SEC31B: variants seen among roughly 807,000 people sequenced by gnomAD.
SEC31B encodes protein transport protein Sec31B.
In SEC31B, 113 loss-of-function variants were observed where a neutral mutation model predicts 135.0. That is an observed-to-expected ratio of 0.84 (90% CI 0.72 to 0.98). The LOEUF (loss-of-function observed/expected upper bound fraction) is 0.98, where lower values mean the gene tolerates loss of function less well. Among genes scored for constraint, SEC31B ranks in the 50% least tolerant of loss-of-function variants. The pLI, the probability that SEC31B is intolerant of heterozygous loss-of-function variation, is 0.00. For synonymous variants in SEC31B, 508 were observed against 549.4 expected (o/e 0.92, Z 1.05); for missense variants, 1,296 against 1,421.1 (o/e 0.91, Z 1.42).
rs1186496766 is a variant in SEC31B, at chr10:100,490,117, G to C, written c.2856C>G (p.Ser952=). ...AGCTTGCAGGAGGGGCTGGGGTGTGGGAGACCATGCGGCCGGGACCTAGTG... is the reference window on the plus strand; with the variant it reads ...AGCTTGCAGGAGGGGCTGGGGTGTGCGAGACCATGCGGCCGGGACCTAGTG... ...LRPLGPGRMV[S]HTPAPPASFP... The change falls in exon 21 of 26, where the codon TCC becomes TCG. Residue 952 remains serine, a synonymous_variant. Transcript: ENST00000370345. The C allele has an allele frequency of 1.9e-6, 3 of 1,589,116 alleles. No individual in the cohort carries two copies. Among genetic ancestry groups the C allele is most frequent in the Non-Finnish European group, 2.6e-6 (3 of 1,168,734 alleles).
intron 24 of SEC31B, 125 bp downstream of exon 24, chr10:100,488,733 A>G (rs1170068017): frequency 3.8e-6 from 5 of 1,306,786 alleles, no homozygotes; most frequent in Non-Finnish European, 5.1e-6. Context: ...AATTAAGTAC[A>G]AGATAGAGAC....
At chr10:100,514,157 C>A (rs1388024451) in intron 3 of SEC31B, among the ~76,000 whole-genome samples, 1 of 152,072 alleles carries the variant, frequency 6.6e-6, no homozygotes, top group Non-Finnish European at 1.5e-5. Flanking sequence ...CACACTCCAG[C>A]CTGGGTGACA....
At chr10:100,495,285 G>T in intron 19 of SEC31B, 100 bp downstream of exon 19, 1 of 1,076,906 alleles carries the variant, frequency 9.3e-7, no homozygotes, top group Non-Finnish European at 1.4e-6. Context: ...TGGAAGTTGG[G>T]AATTTTCATC....
intron 20 of SEC31B, 123 bp downstream of exon 20, chr10:100,490,583 C>T: frequency 9.3e-7 from 1 of 1,075,732 alleles, no homozygotes; most frequent in Non-Finnish European, 1.3e-6. Flanking sequence ...GGAATTCAGA[C>T]TTCAACTTCC....
Position 100,509,382 on chromosome 10 carries a change from CTCCT to C in SEC31B, c.329_332del (p.Lys110SerfsTer3), listed in dbSNP as rs1851696106. The C allele has an allele frequency of 6.2e-7, 1 of 1,614,166 alleles. No homozygotes were observed. Among genetic ancestry groups the C allele is most frequent in the Middle Eastern group, 1.7e-4 (1 of 6,052 alleles). On this transcript the variant is annotated frameshift_variant, in exon 4 of 26. Transcript: ENST00000370345. LOFTEE classifies it high-confidence loss of function. ...GCTTCTGTTTCTGAGCAATCACAGGCTCCTTCCCCGAAGACAGGATGTGGGTCAC... is the reference window on the plus strand; with the variant it reads ...GCTTCTGTTTCTGAGCAATCACAGGCTCCCCGAAGACAGGATGTGGGTCAC...
Position 100,509,407 on chromosome 10 carries a change from G to A in SEC31B, c.308C>T (p.Thr103Ile), listed in dbSNP as rs1851696910. The A allele has an allele frequency of 1.2e-6, 2 of 1,614,126 alleles. No homozygotes were observed. The highest frequency in any genetic ancestry group is 3.3e-5 in the Admixed American group (2 of 60,006). The change falls in exon 4 of 26, where the codon ACC (threonine) becomes ATC (isoleucine). Residue 103 changes from threonine (T) to isoleucine (I), a missense_variant. Thr to Ile is a moderately conservative substitution (Grantham distance 89). Coordinates refer to ENST00000370345, the MANE Select transcript of SEC31B (RefSeq NM_015490.4). ...DNGMLILYNVTHILSSGKEPV... is the reference protein window; with the variant it reads ...DNGMLILYNVIHILSSGKEPV... ...CTCCTTCCCCGAAGACAGGATGTGGGTCACATTGTATAGAATAAGCATGCC... is the reference window on the plus strand; with the variant it reads ...CTCCTTCCCCGAAGACAGGATGTGGATCACATTGTATAGAATAAGCATGCC...
At chr10:100,514,704 T>C (rs762367273) in intron 3 of SEC31B, among the ~76,000 whole-genome samples, 3 of 152,134 alleles carry the variant, frequency 2.0e-5, no homozygotes, top group Non-Finnish European at 4.4e-5. Flanking sequence ...AACTAATCTC[T>C]TAGAGGGACC....
At chr10:100,515,592 G>A (rs1215054506) in intron 3 of SEC31B, among the ~76,000 whole-genome samples, 2 of 152,154 alleles carry the variant, frequency 1.3e-5, no homozygotes, top group African/African-American at 4.8e-5. Context: ...TAAATAAAAT[G>A]TACAGAGCCC....
At chr10:100,515,999 C>G (rs1851835131) in intron 3 of SEC31B, 97 bp downstream of exon 3, 2 of 1,429,522 alleles carry the variant, frequency 1.4e-6, no homozygotes, top group Non-Finnish European at 1.9e-6. Flanking sequence ...TCCTTCTTCC[C>G]TCACTTGGCT....
chr10:100,497,071 T>A, intron 17 of SEC31B, 64 bp downstream of exon 17: 1 of 1,584,200 alleles, frequency 6.3e-7, no homozygotes, highest in Non-Finnish European at 8.6e-7. Flanking sequence ...GCTCTGCACA[T>A]CTCCACCACT....
chr10:100,514,774 C>A (rs1000940729), intron 3 of SEC31B, among the ~76,000 whole-genome samples: 1 of 151,896 alleles, frequency 6.6e-6, no homozygotes, highest in Non-Finnish European at 1.5e-5. Context: ...AGACCAGTAA[C>A]CTCTAATATA....
intron 24 of SEC31B, among the ~76,000 whole-genome samples, chr10:100,488,453 CAT>C (rs545410593): frequency 0.062 from 6,518 of 104,612 alleles, 215 homozygotes; most frequent in South Asian, 0.1. Flanking sequence ...AGCGAGACTC[CAT>C]CTCAAAAAAA....
chr10:100,494,194 T>C (rs1851360567), intron 19 of SEC31B, among the ~76,000 whole-genome samples: 2 of 152,054 alleles, frequency 1.3e-5, no homozygotes, highest in African/African-American at 4.8e-5. Context: ...CCGGGCACTT[T>C]GGCCAGAACC....
At chr10:100,500,375 C>T (rs1033519168) in intron 11 of SEC31B, among the ~76,000 whole-genome samples, 12 of 151,678 alleles carry the variant, frequency 7.9e-5, no homozygotes, top group African/African-American at 1.7e-4. Context: ...AGTACAGTGG[C>T]GCCATGTCGG....
chr10:100,498,406 G>A (rs1851454513), intron 14 of SEC31B, 199 bp from the exon 15 acceptor site: 1 of 627,082 alleles, frequency 1.6e-6, no homozygotes, highest in African/African-American at 1.8e-5. Context: ...GACAAGGGAG[G>A]GAACTGATGT....
At chr10:100,500,535 C>T (rs577489743) in intron 11 of SEC31B, among the ~76,000 whole-genome samples, 104 of 151,928 alleles carry the variant, frequency 6.8e-4, no homozygotes, top group Non-Finnish European at 1.2e-3. Context: ...AGGCTGGTCT[C>T]GAACTCCTGA....
intron 6 of SEC31B, 84 bp from the exon 7 acceptor site, chr10:100,507,651 C>T (rs1272311656): frequency 1.9e-6 from 3 of 1,571,276 alleles, no homozygotes; most frequent in African/African-American, 1.3e-5. Flanking sequence ...AGCAAGTTTT[C>T]TGTCTCTTTT....
At chr10:100,499,369 C>G in intron 12 of SEC31B, 111 bp from the exon 13 acceptor site, 1 of 1,094,738 alleles carries the variant, frequency 9.1e-7, no homozygotes, top group South Asian at 1.4e-5. Flanking sequence ...GATCCCTGAT[C>G]TATTTTTTTC....
At chr10:100,493,597 G>A (rs1424342113) in intron 19 of SEC31B, among the ~76,000 whole-genome samples, 2 of 152,160 alleles carry the variant, frequency 1.3e-5, no homozygotes, top group African/African-American at 2.4e-5. Flanking sequence ...GTGAAGCCAA[G>A]GATGAGGGAG....
Sources: allele counts gnomAD v4.1 joint callset (sites outside exome capture counted in the v4.1 genomes callset), GRCh38; gene constraint gnomAD v4.1.1; transcripts MANE v1.5; gene names NCBI Gene and HGNC (gene_info 2026-07-23, HGNC 2026-07-21).